Variants in CD48 observed in about 807,000 individuals in gnomAD.
The protein encoded by CD48 is CD48 molecule.
A neutral mutation model predicts 22.0 loss-of-function variants in CD48; 20 were observed. That is an observed-to-expected ratio of 0.91 (90% CI 0.64 to 1.32). CD48 has a LOEUF of 1.32. CD48 is among the 40% of genes most tolerant of loss of function. CD48 has a pLI of 0.00. For missense variants in CD48, 307 were observed against 286.5 expected (o/e 1.07, Z -0.52); for synonymous variants, 110 against 110.1 (o/e 1.00, Z 0.01).
intron 1 of CD48, among the ~76,000 whole-genome samples, chr1:160,698,713 CAT>C (rs1293107692): frequency 6.6e-6 from 1 of 151,994 alleles, no homozygotes; most frequent in Non-Finnish European, 1.5e-5. Flanking sequence ...ATCACTGGGA[CAT>C]GGTTAGACGC....
intron 1 of CD48, among the ~76,000 whole-genome samples, chr1:160,701,646 C>G (rs1017123466): frequency 2.0e-5 from 3 of 152,090 alleles, no homozygotes; most frequent in African/African-American, 7.2e-5. Context: ...AATTTCAGCC[C>G]TCTATTTTGC....
chr1:160,707,405 G>A (rs897139135), intron 1 of CD48, among the ~76,000 whole-genome samples: 2 of 152,158 alleles, frequency 1.3e-5, no homozygotes, highest in African/African-American at 4.8e-5. Flanking sequence ...GGGAAGACAT[G>A]AAGAGAAGGG....
At chr1:160,711,287 C>G (rs550118056) in intron 1 of CD48, among the ~76,000 whole-genome samples, 237 of 152,316 alleles carry the variant, frequency 1.6e-3, no homozygotes, top group Middle Eastern at 3.4e-3. Context: ...CTCACATATA[C>G]AGAGGTCTCA....
chr1:160,683,118 A>G (rs575622634), intron 2 of CD48, among the ~76,000 whole-genome samples: 8 of 152,228 alleles, frequency 5.3e-5, no homozygotes, highest in East Asian at 1.9e-4. Context: ...GACTTCCCCT[A>G]TATGTTTTAA....
chr1:160,700,179 C>G (rs1028878170), intron 1 of CD48, among the ~76,000 whole-genome samples: 2 of 152,106 alleles, frequency 1.3e-5, no homozygotes, highest in African/African-American at 4.8e-5. Flanking sequence ...CTGTAACGGC[C>G]TCAGGAATGG....
intron 1 of CD48, among the ~76,000 whole-genome samples, chr1:160,708,815 C>T (rs1296384151): frequency 6.6e-6 from 1 of 152,014 alleles, no homozygotes; most frequent in East Asian, 1.9e-4. Context: ...ATTGAGTAGG[C>T]TCGGTGATGG....
At position 160,699,845 on chromosome 1, in the gene CD48, A is replaced by C. The variant is rs1662569353; in HGVS notation, c.82+11837T>G. 7 of 151,816 alleles carry C rather than the reference A, an allele frequency of 4.6e-5. No individual in the cohort carries two copies. In the South Asian group the frequency reaches 1.5e-3, roughly 32 times the overall value. The allele number at this position is 151,816 out of a possible 1,614,324, so 9.4% of individuals were successfully genotyped here. A position where few individuals can be genotyped will look rare whatever the true frequency, so the allele number is the denominator to read the frequency against. ...GAGAAACACCCACGAATGATCAATA[A>C]ATACTAAGGGAACTCAGAGGCTGGC... is the stretch of plus-strand genomic sequence containing the variant. On this transcript the variant is annotated intron_variant, in intron 1 of 3. Transcript: ENST00000368046.
At chr1:160,680,947 G>T in intron 3 of CD48, 1 of 1,435,124 alleles carries the variant, frequency 7.0e-7, no homozygotes, top group South Asian at 1.5e-5. Context: ...AGCGGGAGAG[G>T]GAAGAGGAGT....
At chr1:160,687,880 G>A (rs1015597862) in intron 1 of CD48, among the ~76,000 whole-genome samples, 3 of 152,184 alleles carry the variant, frequency 2.0e-5, no homozygotes, top group Admixed American at 6.5e-5. Flanking sequence ...AGCTTGAGAG[G>A]CTTCAAAAAT....
At chr1:160,686,498 A>G (rs747993162) in intron 1 of CD48, 2 of 152,252 alleles carry the variant, frequency 1.3e-5, no homozygotes, top group Non-Finnish European at 2.9e-5. Context: ...ATATTTGTTA[A>G]GAACTATCTG....
At position 160,711,774 on chromosome 1, in the gene CD48, A is replaced by G; in HGVS notation, c.-11T>C. 6.2e-7 allele frequency: 1 copy of G among 1,608,764 alleles called. No individual in the cohort carries two copies. The highest frequency in any genetic ancestry group is 8.5e-7 in the Non-Finnish European group (1 of 1,175,340). Reference sequence around the variant, plus strand: ...ACCTCTGGAGCACATGCTTCCTTCCAGAACTTCCCAGCAACGCAGGAGACA... The same window carrying G: ...ACCTCTGGAGCACATGCTTCCTTCCGGAACTTCCCAGCAACGCAGGAGACA... On this transcript the variant is annotated 5_prime_UTR_variant, in exon 1 of 4. Transcript: ENST00000368046.
At chr1:160,704,029 CT>C (rs1558038999) in intron 1 of CD48, among the ~76,000 whole-genome samples, 2 of 152,036 alleles carry the variant, frequency 1.3e-5, no homozygotes, top group African/African-American at 4.8e-5. Context: ...AAAAAAAATG[CT>C]TTCCTGTAAA....
At chr1:160,680,956 G>A (rs1465937132) in intron 3 of CD48, 3 of 1,437,306 alleles carry the variant, frequency 2.1e-6, no homozygotes, top group South Asian at 3.0e-5. Context: ...GGGAAGAGGA[G>A]TATCAGAGAT....
At chr1:160,702,527 G>A (rs1040742292) in intron 1 of CD48, among the ~76,000 whole-genome samples, 8 of 152,110 alleles carry the variant, frequency 5.3e-5, no homozygotes, top group South Asian at 2.1e-4. Flanking sequence ...TACCTAGAGC[G>A]GCAAACATTT....
At position 160,685,121 on chromosome 1, in the gene CD48, C is replaced by G. The variant is rs1209983149; in HGVS notation, c.151G>C (p.Glu51Gln). Residue 51 changes from glutamate to glutamine, a missense_variant, in exon 2 of 4, where the codon GAG becomes CAG. Glu to Gln is a conservative substitution (Grantham distance 29). Transcript: ENST00000368046. ...AACCAGGTTAGTTGTTTGTAGTTCT[C>G]AGGCAGGCTCTCAGAGATGTTCAGA... ...VTLNISESLP[E>Q]NYKQLTWFYT... is the part of the protein sequence containing the mutation. 3 of 1,613,870 alleles carry G rather than the reference C, an allele frequency of 1.9e-6. No individual in the cohort carries two copies. The African/African-American group carries it at 4.0e-5, about 22-fold the overall frequency.
At chr1:160,708,934 T>C (rs1662871292) in intron 1 of CD48, among the ~76,000 whole-genome samples, 1 of 152,162 alleles carries the variant, frequency 6.6e-6, no homozygotes, top group South Asian at 2.1e-4. Flanking sequence ...AGGCTTCTGC[T>C]GAGTGGCACT....
At chr1:160,708,448 G>C (rs1403429892) in intron 1 of CD48, among the ~76,000 whole-genome samples, 1 of 152,168 alleles carries the variant, frequency 6.6e-6, no homozygotes, top group Non-Finnish European at 1.5e-5. Flanking sequence ...AGTAAATAGA[G>C]CAGTTAGGAT....
chr1:160,693,017 G>A (rs1662283689), intron 1 of CD48, among the ~76,000 whole-genome samples: 1 of 152,234 alleles, frequency 6.6e-6, no homozygotes, highest in African/African-American at 2.4e-5. Context: ...ACAAGAACAG[G>A]TCCGAAGAAA....
intron 1 of CD48, among the ~76,000 whole-genome samples, chr1:160,689,781 G>C (rs1662135938): frequency 6.6e-6 from 1 of 152,058 alleles, no homozygotes; most frequent in African/African-American, 2.4e-5. Flanking sequence ...TCTTCTGGTG[G>C]GTACCTAGAC....
Sources: allele counts gnomAD v4.1 joint callset (sites outside exome capture counted in the v4.1 genomes callset), GRCh38; gene constraint gnomAD v4.1.1; transcripts MANE v1.5; gene names NCBI Gene and HGNC (gene_info 2026-07-23, HGNC 2026-07-21).